Variants in PTPRM observed in about 807,000 individuals in gnomAD.
The protein encoded by PTPRM is protein tyrosine phosphatase receptor type M, also known as receptor-type tyrosine-protein phosphatase mu.
A neutral mutation model predicts 186.7 loss-of-function variants in PTPRM; 47 were observed. The observed-to-expected ratio is 0.25, with a 90% confidence interval of 0.20 to 0.32. The LOEUF is 0.32. Among genes scored for constraint, PTPRM ranks in the 10% least tolerant of loss-of-function variants. The pLI, the probability that PTPRM is intolerant of heterozygous loss-of-function variation, is 1.00. For missense variants in PTPRM, 1,494 were observed against 1,865.0 expected, an observed-to-expected ratio of 0.80 and a Z score of 3.66; for synonymous variants, 668 against 674.9, an observed-to-expected ratio of 0.99 and a Z score of 0.16.
At chr18:8,104,148 G>A (rs566732864) in intron 11 of PTPRM, among the ~76,000 whole-genome samples, 1 of 152,316 alleles carries the variant, frequency 6.6e-6, no homozygotes, top group African/African-American at 2.4e-5. Flanking sequence ...CATGAAGTAA[G>A]TGCATGCTGT....
chr18:7,965,195 G>T (rs961348480), intron 7 of PTPRM, among the ~76,000 whole-genome samples: 34 of 151,998 alleles, frequency 2.2e-4, no homozygotes, highest in African/African-American at 8.0e-4. Context: ...ACAGGCACGC[G>T]CCACCACGCC....
intron 7 of PTPRM, among the ~76,000 whole-genome samples, chr18:7,990,984 T>G (rs1453680161): frequency 2.6e-5 from 4 of 152,142 alleles, no homozygotes; most frequent in Non-Finnish European, 5.9e-5. Flanking sequence ...CTGGTTTGCT[T>G]TAAGCTTACT....
chr18:8,291,007 T>C (rs1179093763), intron 19 of PTPRM, among the ~76,000 whole-genome samples: 1 of 152,178 alleles, frequency 6.6e-6, no homozygotes, highest in Non-Finnish European at 1.5e-5. Flanking sequence ...ATCCCACCTA[T>C]AAAACTTGTG....
chr18:7,847,610 C>G (rs1309003831), intron 2 of PTPRM, among the ~76,000 whole-genome samples: 1 of 152,174 alleles, frequency 6.6e-6, no homozygotes, highest in Non-Finnish European at 1.5e-5. Context: ...CAGCTCACTT[C>G]TCACTGTGCT....
intron 1 of PTPRM, among the ~76,000 whole-genome samples, chr18:7,676,691 G>GCGCGCGCA (rs2144534079): frequency 6.6e-6 from 1 of 151,726 alleles, no homozygotes; most frequent in African/African-American, 2.4e-5. Context: ...GTGTGTGTGC[G>GCGCGCGCA]CGTGCACGCG....
At chr18:7,767,420 G>A (rs1301042933) in intron 1 of PTPRM, among the ~76,000 whole-genome samples, 1 of 152,132 alleles carries the variant, frequency 6.6e-6, no homozygotes, top group Non-Finnish European at 1.5e-5. Context: ...GCTTTAAATG[G>A]TAGACTCTAT....
At chr18:7,918,833 T>C (rs2050704709) in intron 4 of PTPRM, among the ~76,000 whole-genome samples, 1 of 152,178 alleles carries the variant, frequency 6.6e-6, no homozygotes, top group Non-Finnish European at 1.5e-5. Flanking sequence ...TTGTTTTGGT[T>C]GCTCTTGAGG....
intron 30 of PTPRM, among the ~76,000 whole-genome samples, chr18:8,385,919 A>C (rs552519882): frequency 4.6e-4 from 70 of 152,064 alleles, no homozygotes; most frequent in Non-Finnish European, 9.4e-4. Context: ...AGAGAGCAGG[A>C]GTGGAGGTCA....
chr18:7,978,444 C>T (rs2055103408), intron 7 of PTPRM, among the ~76,000 whole-genome samples: 1 of 152,158 alleles, frequency 6.6e-6, no homozygotes, highest in African/African-American at 2.4e-5. Context: ...AAACGGGACT[C>T]TATTTGACCA....
chr18:8,315,902 G>A (rs1042563460), intron 21 of PTPRM, among the ~76,000 whole-genome samples: 3 of 152,220 alleles, frequency 2.0e-5, no homozygotes, highest in South Asian at 4.2e-4. Flanking sequence ...TTCATCAAAC[G>A]AAGACCCCTG....
chr18:7,685,247 C>G (rs1323446250), intron 1 of PTPRM, among the ~76,000 whole-genome samples: 1 of 152,124 alleles, frequency 6.6e-6, no homozygotes. Flanking sequence ...GGAACAAGCC[C>G]AAGCTTGTAC....
At chr18:7,687,885 G>C (rs628821) in intron 1 of PTPRM, among the ~76,000 whole-genome samples, 48,054 of 150,784 alleles carry the variant, frequency 0.32, 13,817 homozygotes, top group African/African-American at 0.75. Context: ...TCAAGTGATT[G>C]TCCTGCTTCA....
intron 1 of PTPRM, among the ~76,000 whole-genome samples, chr18:7,639,907 A>C (rs1278055124): frequency 6.6e-6 from 1 of 152,244 alleles, no homozygotes; most frequent in Non-Finnish European, 1.5e-5. Flanking sequence ...CCACATCTTA[A>C]CAAGTAGATT....
At chr18:8,075,278 A>C (rs1600415056) in intron 8 of PTPRM, among the ~76,000 whole-genome samples, 1 of 143,140 alleles carries the variant, frequency 7.0e-6, no homozygotes, top group Admixed American at 7.0e-5. Context: ...ATATATATAT[A>C]TCTTTATCTA....
chr18:8,331,570 T>G (rs2095412466), intron 22 of PTPRM, among the ~76,000 whole-genome samples: 1 of 152,254 alleles, frequency 6.6e-6, no homozygotes, highest in South Asian at 2.1e-4. Context: ...GTTATTATCA[T>G]TTTGTATGTT....
chr18:8,283,376 C>T (rs962765871), intron 19 of PTPRM, among the ~76,000 whole-genome samples: 1 of 152,136 alleles, frequency 6.6e-6, no homozygotes, highest in African/African-American at 2.4e-5. Flanking sequence ...TTATTGGTTA[C>T]CAACATAATG....
intron 14 of PTPRM, among the ~76,000 whole-genome samples, chr18:8,203,065 C>T (rs1402808467): frequency 1.3e-5 from 2 of 152,144 alleles, no homozygotes; most frequent in East Asian, 1.9e-4. Flanking sequence ...GCGAATCAAA[C>T]TGAATTATAT....
chr18:8,272,208 TA>T (rs1254909341), intron 19 of PTPRM, among the ~76,000 whole-genome samples: 917 of 76,004 alleles, frequency 0.012, 1 homozygote, highest in African/African-American at 0.033. Context: ...TCTGCCTCAA[TA>T]AAAAAAAAAA....
intron 6 of PTPRM, among the ~76,000 whole-genome samples, chr18:7,951,674 T>C (rs931025859): frequency 1.3e-5 from 2 of 152,322 alleles, no homozygotes; most frequent in Non-Finnish European, 2.9e-5. Flanking sequence ...CAGTTAGGAC[T>C]CAAATATGAA....
Sources: allele counts gnomAD v4.1 joint callset (sites outside exome capture counted in the v4.1 genomes callset), GRCh38; gene constraint gnomAD v4.1.1; transcripts MANE v1.5; gene names NCBI Gene and HGNC (gene_info 2026-07-23, HGNC 2026-07-21).